The following BMPR1B variants were observed in gnomAD, a reference collection of about 807,000 sequenced individuals.
BMPR1B encodes the protein bone morphogenetic protein receptor type-1B.
In BMPR1B, 12 loss-of-function variants were observed where a neutral mutation model predicts 59.1. The observed-to-expected ratio is 0.20, with a 90% confidence interval of 0.13 to 0.33. BMPR1B has a LOEUF of 0.33. Ranked by LOEUF, BMPR1B falls within the 10% of genes least tolerant of loss-of-function variation. The pLI is 1.00. For missense variants in BMPR1B, 550 were observed against 610.9 expected, an observed-to-expected ratio of 0.90 and a Z score of 1.05; for synonymous variants, 237 against 207.3, an observed-to-expected ratio of 1.14 and a Z score of -1.23.
intron 1 of BMPR1B, among the ~76,000 whole-genome samples, chr4:94,855,766 A>C (rs1319315): frequency 0.61 from 92,445 of 151,940 alleles, 29,000 homozygotes; most frequent in African/African-American, 0.76. Flanking sequence ...AGCATTAATA[A>C]ATTTATTTAA....
intron 1 of BMPR1B, among the ~76,000 whole-genome samples, chr4:94,783,505 T>G (rs1426360894): frequency 6.6e-6 from 1 of 152,192 alleles, no homozygotes; most frequent in Non-Finnish European, 1.5e-5. Flanking sequence ...ATTTTGAAGC[T>G]CTCTGTTCTT....
intron 1 of BMPR1B, among the ~76,000 whole-genome samples, chr4:94,840,145 G>A (rs1179422177): frequency 6.7e-6 from 1 of 148,804 alleles, no homozygotes; most frequent in East Asian, 1.9e-4. Flanking sequence ...TTAGTCTGAT[G>A]GGCTTCCCTT....
rs1049721405 is a variant in BMPR1B, at chr4:95,139,977, A to C, written c.1076+8465A>C. On this transcript the variant is annotated intron_variant, in intron 10 of 12. Transcript: ENST00000515059. ...CCCAGTGAGGTGAGCCCAGTACCTA[A>C]GTTGGAAATGCAGAAATCACTCATC... 2.0e-5 allele frequency among the ~76,000 whole-genome samples: 3 copies of C among 152,142 alleles called. No individual in the cohort carries two copies. The East Asian group carries it at 5.8e-4, about 29-fold the overall frequency.
intron 3 of BMPR1B, among the ~76,000 whole-genome samples, chr4:95,042,876 A>G (rs1461865970): frequency 6.6e-6 from 1 of 152,102 alleles, no homozygotes; most frequent in African/African-American, 2.4e-5. Flanking sequence ...TGTAATGATT[A>G]ACATAAAGAA....
intron 10 of BMPR1B, among the ~76,000 whole-genome samples, chr4:95,140,164 C>A (rs932820644): frequency 6.6e-6 from 1 of 152,146 alleles, no homozygotes; most frequent in African/African-American, 2.4e-5. Flanking sequence ...TCATCATTGA[C>A]TACTTATTTG....
rs561611027 is a variant in BMPR1B, at chr4:94,880,056, T to G, written c.-113+4156T>G. On this transcript the variant is annotated intron_variant, in intron 2 of 12. Transcript: ENST00000515059. Reference sequence around the variant, plus strand: ...TTATTATATAAAATGACAATACAAATTATTATTATTTTATTCATAATTTTT... The same window carrying G: ...TTATTATATAAAATGACAATACAAAGTATTATTATTTTATTCATAATTTTT... Among the ~76,000 whole-genome samples, 220 of 112,154 alleles carry G rather than the reference T, an allele frequency of 2.0e-3. 2 individuals carry two copies. The South Asian group carries it at 0.031, about 16-fold the overall frequency. 73.6% of individuals were successfully genotyped at this position (112,154 alleles called of 152,430 possible).
chr4:95,023,445 G>T (rs1193830879), intron 3 of BMPR1B, among the ~76,000 whole-genome samples: 1 of 152,054 alleles, frequency 6.6e-6, no homozygotes, highest in Non-Finnish European at 1.5e-5. Context: ...GCAGTAGCTC[G>T]TTCATGGGTC....
intron 1 of BMPR1B, among the ~76,000 whole-genome samples, chr4:94,842,577 A>G (rs558431791): frequency 6.6e-6 from 1 of 152,102 alleles, no homozygotes; most frequent in East Asian, 1.9e-4. Context: ...TTTTCCTGAG[A>G]CAGAGTCTCA....
chr4:94,805,122 C>A (rs964762997), intron 1 of BMPR1B, among the ~76,000 whole-genome samples: 1 of 152,094 alleles, frequency 6.6e-6, no homozygotes, highest in Non-Finnish European at 1.5e-5. Flanking sequence ...ATTGAAGAAG[C>A]ACAGAATTTT....
chr4:94,932,700 A>G (rs534622528), intron 2 of BMPR1B, among the ~76,000 whole-genome samples: 1 of 152,172 alleles, frequency 6.6e-6, no homozygotes, highest in East Asian at 1.9e-4. Context: ...ATTTTACAAC[A>G]CATCACACAG....
intron 3 of BMPR1B, among the ~76,000 whole-genome samples, chr4:95,011,528 G>T (rs1723228370): frequency 6.6e-6 from 1 of 152,110 alleles, no homozygotes; most frequent in African/African-American, 2.4e-5. Flanking sequence ...TAATTTCTAG[G>T]CAGCAGGAAA....
chr4:95,026,098 A>ATTTATTTCTTTCTTTCTTTC (rs1553928440), intron 3 of BMPR1B, among the ~76,000 whole-genome samples: 2 of 101,622 alleles, frequency 2.0e-5, no homozygotes, highest in African/African-American at 7.3e-5. Context: ...GCTTTCTTTC[A>ATTTATTTCTTTCTTTCTTTC]TTTCTTTCTT....
intron 1 of BMPR1B, among the ~76,000 whole-genome samples, chr4:94,836,028 T>C (rs367991883): frequency 0.1 from 14,640 of 143,440 alleles, 750 homozygotes; most frequent in African/African-American, 0.11. Flanking sequence ...TTTGTTCTTG[T>C]GATAGTTTAC....
chr4:94,807,342 C>T (rs1033752433), intron 1 of BMPR1B, among the ~76,000 whole-genome samples: 3 of 152,150 alleles, frequency 2.0e-5, no homozygotes, highest in Admixed American at 6.5e-5. Flanking sequence ...ATCTGCCCAC[C>T]TTGGCTTCCT....
At chr4:94,802,207 T>A (rs1723434519) in intron 1 of BMPR1B, among the ~76,000 whole-genome samples, 1 of 152,146 alleles carries the variant, frequency 6.6e-6, no homozygotes, top group Non-Finnish European at 1.5e-5. Context: ...TTTCTCCAGG[T>A]CATGGGTTCT....
intron 1 of BMPR1B, among the ~76,000 whole-genome samples, chr4:94,869,685 G>A (rs1023153824): frequency 2.6e-5 from 4 of 152,148 alleles, no homozygotes; most frequent in Admixed American, 6.5e-5. Context: ...AAATGTGACT[G>A]TGTTTCTAAG....
chr4:94,988,413 G>A (rs1357772942), intron 2 of BMPR1B, among the ~76,000 whole-genome samples: 2 of 151,998 alleles, frequency 1.3e-5, no homozygotes, highest in African/African-American at 2.4e-5. Context: ...AAACATAGTT[G>A]TTTTATTATT....
At chr4:94,878,308 C>G (rs1441538032) in intron 2 of BMPR1B, among the ~76,000 whole-genome samples, 1 of 152,190 alleles carries the variant, frequency 6.6e-6, no homozygotes, top group Non-Finnish European at 1.5e-5. Context: ...TTTAAAGATA[C>G]TAGGTTTTTA....
At chr4:94,761,461 GTT>G (rs1721767233) in intron 1 of BMPR1B, among the ~76,000 whole-genome samples, 1 of 143,128 alleles carries the variant, frequency 7.0e-6, no homozygotes, top group Non-Finnish European at 1.5e-5. Context: ...GTGTGTGTGT[GTT>G]GAAGGGGGTT....
Sources: allele counts gnomAD v4.1 joint callset (sites outside exome capture counted in the v4.1 genomes callset), GRCh38; gene constraint gnomAD v4.1.1; transcripts MANE v1.5; gene names NCBI Gene and HGNC (gene_info 2026-07-23, HGNC 2026-07-21).